Variants in DLEC1 observed in about 807,000 individuals in gnomAD.
The protein encoded by DLEC1 is deleted in lung and esophageal cancer protein 1.
DLEC1 carries 146 observed loss-of-function variants against 198.1 expected under a neutral mutation model. The observed-to-expected ratio is 0.74, with a 90% CI of 0.64 to 0.85. The LOEUF is 0.85. Among genes scored for constraint, DLEC1 ranks in the 40% least tolerant of loss-of-function variants. The probability of loss-of-function intolerance (pLI) is 0.00; values close to 1 mark genes in which losing one functional copy is unlikely to be tolerated. For missense variants in DLEC1, 2,233 were observed against 2,220.0 expected (o/e 1.01, Z -0.12); for synonymous variants, 897 against 866.8 (o/e 1.03, Z -0.61).
At chr3:38,073,819 C>T (rs1447399324) in intron 6 of DLEC1, among the ~76,000 whole-genome samples, 2 of 152,048 alleles carry the variant, frequency 1.3e-5, no homozygotes, top group Admixed American at 6.5e-5. Context: ...GCCCCTGTGT[C>T]GATTAAACAG....
chr3:38,086,436 C>A, intron 9 of DLEC1, 59 bp downstream of exon 9: 2 of 1,557,374 alleles, frequency 1.3e-6, no homozygotes, highest in Non-Finnish European at 1.7e-6. Flanking sequence ...GAAATAACCC[C>A]CAGAGGAACT....
At chr3:38,066,043 T>C (rs1227543046) in intron 6 of DLEC1, among the ~76,000 whole-genome samples, 1 of 152,242 alleles carries the variant, frequency 6.6e-6, no homozygotes, top group Non-Finnish European at 1.5e-5. Context: ...CAAGTTCCAT[T>C]TTTCCTCTTT....
intron 6 of DLEC1, among the ~76,000 whole-genome samples, chr3:38,067,785 C>T (rs1697105203): frequency 7.7e-6 from 1 of 129,270 alleles, no homozygotes; most frequent in South Asian, 2.3e-4. Flanking sequence ...TGGAATCTTG[C>T]TCTATTACCC....
chr3:38,097,869 GA>G lies in DLEC1; in HGVS notation c.2692del (p.Ser898AlafsTer120). On this transcript the variant is annotated frameshift_variant, in exon 18 of 37. Transcript: ENST00000308059. LOFTEE classifies it high-confidence loss of function. Reference sequence around the variant, plus strand: ...TCCCAGCCACATGGCGCATGAAGGAGAGCCCAGTCTCCCTCCAGGAAAGGCC... The same window carrying G: ...TCCCAGCCACATGGCGCATGAAGGAGGCCCAGTCTCCCTCCAGGAAAGGCC... Reference protein sequence around the residue: ...QLPATWRMKESPVSLQERPED... With the variant: ...QLPATWRMKEXPVSLQERPED... 6.2e-7 allele frequency: 1 copy of G among 1,614,224 alleles called. No homozygotes were observed. Among genetic ancestry groups the G allele is most frequent in the Non-Finnish European group, 8.5e-7 (1 of 1,180,046 alleles).
rs777554579 is a variant in DLEC1, at chr3:38,108,393, T to C, written c.3019-12T>C. On this transcript the variant is annotated splice_polypyrimidine_tract_variant and intron_variant, in intron 20 of 36. Coordinates refer to ENST00000308059, the MANE Select transcript of DLEC1 (RefSeq NM_007335.4). ...CAGTAAGTGACAACAGGCTCACTCA[T>C]GTGTCTGCCAGCTCCTCGGACACCA... The C allele has an allele frequency of 1.2e-5, 20 of 1,611,106 alleles. No individual in the cohort carries two copies. The highest frequency in any genetic ancestry group is 1.5e-5 in the Non-Finnish European group (18 of 1,177,722).
intron 6 of DLEC1, among the ~76,000 whole-genome samples, chr3:38,069,790 A>C (rs1368507430): frequency 2.6e-5 from 4 of 152,210 alleles, no homozygotes; most frequent in African/African-American, 9.6e-5. Context: ...TGGTGCTCAC[A>C]CCCTAGTTCC....
At chr3:38,097,670 C>T (rs1392726610) in intron 17 of DLEC1, 33 bp downstream of exon 17, 1 of 1,613,898 alleles carries the variant, frequency 6.2e-7, no homozygotes, top group South Asian at 1.1e-5. Context: ...GTGGGGTGGG[C>T]CCAGAGAGGT....
chr3:38,122,934 T>C lies in DLEC1; in HGVS notation c.*522T>C. 1 of 1,101,330 alleles carries C rather than the reference T, an allele frequency of 9.1e-7. No homozygotes were observed. Among genetic ancestry groups the C allele is most frequent in the South Asian group, 1.3e-5 (1 of 75,532 alleles). The allele number at this position is 1,101,330 out of a possible 1,614,324, so 68.2% of individuals were successfully genotyped here. On this transcript the variant is annotated 3_prime_UTR_variant, in exon 37 of 37. Transcript: ENST00000308059. Reference sequence around the variant, plus strand: ...AGTTGAAGTGCCTTGATCTGTCCACTGCCACCACCACCAGTGCTGAGTTTT... The same window carrying C: ...AGTTGAAGTGCCTTGATCTGTCCACCGCCACCACCACCAGTGCTGAGTTTT...
At chr3:38,097,309 GC>G in intron 16 of DLEC1, 34 bp downstream of exon 16, 1 of 1,557,778 alleles carries the variant, frequency 6.4e-7, no homozygotes, top group Middle Eastern at 1.7e-4. Context: ...GTTGTGACCT[GC>G]CTGGGGCTGG....
intron 6 of DLEC1, among the ~76,000 whole-genome samples, chr3:38,067,974 G>A (rs182230496): frequency 7.9e-5 from 12 of 152,032 alleles, no homozygotes; most frequent in Admixed American, 5.9e-4. Context: ...TGCTGGTCTC[G>A]AACTCCTGAC....
chr3:38,110,040 G>T, intron 22 of DLEC1, 59 bp from the exon 23 acceptor site: 1 of 1,576,428 alleles, frequency 6.3e-7, no homozygotes. Context: ...ATGGCTCCCT[G>T]GGCAGGGCCA....
intron 6 of DLEC1, among the ~76,000 whole-genome samples, chr3:38,080,042 A>G (rs1006525575): frequency 2.0e-5 from 3 of 152,212 alleles, no homozygotes; most frequent in African/African-American, 7.2e-5. Context: ...AAAGCGTCTC[A>G]GGGTTGCTGC....
chr3:38,046,233 G>T (rs1347140710), intron 2 of DLEC1, among the ~76,000 whole-genome samples: 4 of 152,180 alleles, frequency 2.6e-5, no homozygotes, highest in Non-Finnish European at 5.9e-5. Context: ...GGGTTGCAAT[G>T]ACCTTTGTGT....
intron 25 of DLEC1, among the ~76,000 whole-genome samples, chr3:38,113,026 G>C (rs1036291262): frequency 6.6e-6 from 1 of 152,156 alleles, no homozygotes; most frequent in Non-Finnish European, 1.5e-5. Context: ...GTATGACAAA[G>C]AATTGATCAT....
At chr3:38,085,181 G>A in intron 7 of DLEC1, 93 bp from the exon 8 acceptor site, 1 of 1,422,144 alleles carries the variant, frequency 7.0e-7, no homozygotes, top group South Asian at 1.2e-5. Context: ...TACAGAGCCA[G>A]CCCTGGCAGG....
rs1332655451 is a variant in DLEC1, at chr3:38,086,342, A to G, written c.1537A>G (p.Met513Val). The change falls in exon 9 of 37, where the codon ATG (methionine) becomes GTG (valine). Residue 513 changes from methionine to valine, a missense_variant. Coordinates refer to ENST00000308059, the MANE Select transcript of DLEC1 (RefSeq NM_007335.4). Reference protein sequence around the residue: ...VGFSVGRFCIMPKTSWPPLSF... With the variant: ...VGFSVGRFCIVPKTSWPPLSF... ...TTTCAGTGTTGGCAGGTTCTGCATT[A>G]TGCCCAAAACAAGCTGGCCACCACT... 5 of 1,611,856 alleles carry G rather than the reference A, an allele frequency of 3.1e-6. No homozygotes were observed. In the South Asian group the frequency reaches 4.4e-5, roughly 14 times the overall value.
Position 38,042,552 on chromosome 3 carries a change from C to CTTTTT in DLEC1, c.411+2933_411+2937dup, listed in dbSNP as rs71635860. 9.2e-4 allele frequency among the ~76,000 whole-genome samples: 96 copies of CTTTTT among 104,760 alleles called. 3 individuals are homozygous for CTTTTT. Among genetic ancestry groups the CTTTTT allele is most frequent in the Non-Finnish European group, 1.4e-3 (76 of 54,058 alleles). 68.7% of individuals were successfully genotyped at this position (104,760 alleles called of 152,430 possible). ...TATTCCACTTCTGTAATGTTGCTGGCTTTTTTTTTTTTTTTTTTTTTGAGA... is the reference window on the plus strand; with the variant it reads ...TATTCCACTTCTGTAATGTTGCTGGCTTTTTTTTTTTTTTTTTTTTTTTTTTGAGA... On this transcript the variant is annotated intron_variant, in intron 1 of 36. Transcript: ENST00000308059.
At chr3:38,120,403 C>T in intron 33 of DLEC1, 45 bp from the exon 34 acceptor site, 4 of 1,607,418 alleles carry the variant, frequency 2.5e-6, no homozygotes, top group Non-Finnish European at 3.4e-6. Flanking sequence ...AAGTGGCCAC[C>T]TGCCCTCTGC....
rs1265857052 is a variant in DLEC1 at position 38,112,790 on chromosome 3, T to A, written c.3666+429T>A. 2.0e-5 allele frequency among the ~76,000 whole-genome samples: 3 copies of A among 152,158 alleles called. No individual in the cohort carries two copies. Among genetic ancestry groups the A allele is most frequent in the Admixed American group, 6.5e-5 (1 of 15,280 alleles). ...CATTTAATTGCTCCAGCACTCAGCA[T>A]AAATGGAGTATCTACTGTGTGTGGG... is the stretch of plus-strand genomic sequence containing the variant. On this transcript the variant is annotated intron_variant, in intron 25 of 36. Coordinates refer to ENST00000308059, the MANE Select transcript of DLEC1 (RefSeq NM_007335.4). This position sits in a 1 kb window ranked among gnomAD's most constrained non-coding sequence, Gnocchi z 4.8.
Sources: gnomAD v4.1 joint callset for allele counts (sites outside exome capture counted in the v4.1 genomes callset) on GRCh38, gnomAD v4.1.1 for gene constraint, Gnocchi (gnomAD v3.1) non-coding constraint, MANE v1.5 for transcripts, NCBI Gene and HGNC (gene_info 2026-07-23, HGNC 2026-07-21) for gene names.